The following KALRN variants were observed in gnomAD, a reference collection of about 807,000 sequenced individuals.
KALRN encodes the protein kalirin.
KALRN carries 70 observed loss-of-function variants against 353.7 expected under a neutral mutation model. The ratio of observed to expected loss-of-function variants is 0.20; its 90% CI spans 0.16 to 0.24. The LOEUF (loss-of-function observed/expected upper bound fraction) is 0.24, where lower values mean the gene tolerates loss of function less well. Among genes scored for constraint, KALRN ranks in the 10% least tolerant of loss-of-function variants. The pLI is 1.00. For missense variants in KALRN, 2,791 were observed against 3,756.7 expected (o/e 0.74, Z 6.72); for synonymous variants, 1,391 against 1,434.8 (o/e 0.97, Z 0.69).
Position 124,717,344 on chromosome 3 carries a change from C to A in KALRN, c.8374C>A (p.Gln2792Lys), listed in dbSNP as rs943310108. ...FYIRDIMEAL[Q>K]YLHNCRVAHL... is the part of the protein sequence containing the mutation. ...TATCCGAGACATCATGGAGGCTCTGCAGTACCTTCACAACTGCAGGGTTGC... is the reference window on the plus strand; with the variant it reads ...TATCCGAGACATCATGGAGGCTCTGAAGTACCTTCACAACTGCAGGGTTGC... The change falls in exon 59 of 60, where the codon CAG becomes AAG. Residue 2792 changes from glutamine to lysine, a missense_variant. By Grantham distance (53) the Gln-to-Lys change is moderately conservative (BLOSUM62 1). Coordinates refer to ENST00000682506, the MANE Select transcript of KALRN (RefSeq NM_001388419.1). 7 of 1,611,838 alleles carry A rather than the reference C, an allele frequency of 4.3e-6. No individual in the cohort carries two copies. The highest frequency in any genetic ancestry group is 5.9e-6 in the Non-Finnish European group (7 of 1,178,864).
chr3:124,324,435 A>C (rs929407132), intron 6 of KALRN, among the ~76,000 whole-genome samples: 1 of 152,196 alleles, frequency 6.6e-6, no homozygotes, highest in African/African-American at 2.4e-5. Context: ...TTTAATTTTC[A>C]GTAGAATTTG....
chr3:124,313,265 A>G (rs1421404447), intron 6 of KALRN, among the ~76,000 whole-genome samples: 1 of 152,152 alleles, frequency 6.6e-6, no homozygotes, highest in Non-Finnish European at 1.5e-5. Flanking sequence ...CAAAGCCACT[A>G]AAAAGCAAAC....
chr3:124,084,992 G>A (rs770970907), intron 1 of KALRN, among the ~76,000 whole-genome samples: 2 of 152,146 alleles, frequency 1.3e-5, no homozygotes, highest in Non-Finnish European at 2.9e-5. Flanking sequence ...TCTGATAGAC[G>A]TACCATGTAA....
chr3:124,606,346 C>T (rs1386365025), intron 34 of KALRN, among the ~76,000 whole-genome samples: 1 of 152,142 alleles, frequency 6.6e-6, no homozygotes. Context: ...GGAAACTGCC[C>T]AAGAGCTAGA....
intron 1 of KALRN, among the ~76,000 whole-genome samples, chr3:124,092,450 A>G (rs898897363): frequency 6.6e-5 from 10 of 152,256 alleles, no homozygotes; most frequent in East Asian, 1.9e-4. Context: ...CTCTGCAGTT[A>G]TAAGTCAGGG....
At chr3:124,592,301 C>G (rs1380394247) in intron 34 of KALRN, among the ~76,000 whole-genome samples, 1 of 74,852 alleles carries the variant, frequency 1.3e-5, no homozygotes, top group Non-Finnish European at 2.5e-5. Context: ...GACTCCGTCT[C>G]AAAGAAACAA....
At chr3:124,340,385 T>C (rs550402029) in intron 9 of KALRN, among the ~76,000 whole-genome samples, 1 of 151,910 alleles carries the variant, frequency 6.6e-6, no homozygotes, top group Non-Finnish European at 1.5e-5. Flanking sequence ...TAGCTGGGTA[T>C]TGTGGTGTGT....
In KALRN at chr3:124,296,887, C is replaced by T. The variant is rs576055552; in HGVS notation, c.970-1904C>T. The stretch of plus-strand genomic sequence containing the variant: ...GGTGTCACCTCCTCTGAGAAGCCTT[C>T]TCTGCTCTTCCCCATCTCACTCCTC... On this transcript the variant is annotated intron_variant, in intron 5 of 59. Transcript: ENST00000682506. Among the ~76,000 whole-genome samples the T allele has an allele frequency of 2.0e-5, 3 of 152,348 alleles. No individual in the cohort carries two copies. In the East Asian group the frequency reaches 5.8e-4, roughly 29 times the overall value.
At chr3:124,426,892 C>T (rs1249255215) in intron 15 of KALRN, among the ~76,000 whole-genome samples, 1 of 152,164 alleles carries the variant, frequency 6.6e-6, no homozygotes, top group Non-Finnish European at 1.5e-5. Flanking sequence ...CATATGTATT[C>T]CTGCAAAGCA....
intron 7 of KALRN, 71 bp from the exon 8 acceptor site, chr3:124,329,790 C>G: frequency 3.3e-6 from 5 of 1,538,256 alleles, no homozygotes; most frequent in Non-Finnish European, 4.4e-6. Flanking sequence ...GTATCTGACC[C>G]TCTCTCCATA....
chr3:124,325,857 CTG>C, intron 6 of KALRN, 121 bp from the exon 7 acceptor site: 1 of 721,526 alleles, frequency 1.4e-6, no homozygotes, highest in Admixed American at 2.4e-5. Flanking sequence ...CTAGTATGGA[CTG>C]TACCAGCGTC....
chr3:124,580,354 G>A (rs71323871), intron 34 of KALRN, among the ~76,000 whole-genome samples: 1 of 150,994 alleles, frequency 6.6e-6, no homozygotes, highest in Non-Finnish European at 1.5e-5. Context: ...CTAAATCTCA[G>A]GGTGTGTGTG....
At chr3:124,493,343 C>T (rs775812926) in intron 32 of KALRN, among the ~76,000 whole-genome samples, 239 of 152,230 alleles carry the variant, frequency 1.6e-3, no homozygotes, top group Admixed American at 3.3e-3. Context: ...CATTGCAGGT[C>T]TTACTGCAAC....
intron 1 of KALRN, among the ~76,000 whole-genome samples, chr3:124,123,983 C>T (rs192700827): frequency 1.3e-5 from 2 of 152,316 alleles, no homozygotes; most frequent in Non-Finnish European, 2.9e-5. Context: ...TGCTTTCATG[C>T]CTGCTAACAC....
intron 13 of KALRN, among the ~76,000 whole-genome samples, chr3:124,409,995 G>C (rs1248573056): frequency 6.6e-6 from 1 of 152,084 alleles, no homozygotes; most frequent in Non-Finnish European, 1.5e-5. Flanking sequence ...CATTCTCCAG[G>C]CTTCATAACA....
At position 124,664,366 on chromosome 3, in the gene KALRN, T is replaced by TGCGC. The variant is rs1454191492; in HGVS notation, c.6346-2082_6346-2081insCGCG. ...GTGTGTGTGTGTGTGTGTGTGTGTGTGTGTGCGCGCGCGCGCATATAAGGG... is the reference window on the plus strand; with the variant it reads ...GTGTGTGTGTGTGTGTGTGTGTGTGTGCGCGTGTGCGCGCGCGCGCATATAAGGG... On this transcript the variant is annotated intron_variant, in intron 45 of 59. Transcript: ENST00000682506. Among the ~76,000 whole-genome samples the TGCGC allele has an allele frequency of 2.1e-3, 272 of 126,922 alleles. 1 individual carries two copies. Among genetic ancestry groups the TGCGC allele is most frequent in the East Asian group, 6.2e-3 (24 of 3,882 alleles). 83.3% of individuals were successfully genotyped at this position (126,922 alleles called of 152,430 possible).
intron 1 of KALRN, among the ~76,000 whole-genome samples, chr3:124,041,045 G>A (rs1238946763): frequency 2.0e-5 from 3 of 152,122 alleles, no homozygotes; most frequent in Non-Finnish European, 4.4e-5. Context: ...CTATAGTCAT[G>A]TACCACGCAT....
At chr3:124,296,473 G>A (rs913140502) in intron 5 of KALRN, among the ~76,000 whole-genome samples, 6 of 152,066 alleles carry the variant, frequency 3.9e-5, no homozygotes, top group Non-Finnish European at 5.9e-5. Flanking sequence ...TGCCACTCCC[G>A]TAATCCAGGA....
intron 1 of KALRN, among the ~76,000 whole-genome samples, chr3:124,219,345 G>A (rs901066722): frequency 3.9e-5 from 6 of 152,198 alleles, no homozygotes; most frequent in Non-Finnish European, 7.3e-5. Flanking sequence ...AGTTAGGGCA[G>A]GCACCCTAAG....
Sources: gnomAD v4.1 joint callset for allele counts (sites outside exome capture counted in the v4.1 genomes callset) on GRCh38, gnomAD v4.1.1 for gene constraint, MANE v1.5 for transcripts, NCBI Gene and HGNC (gene_info 2026-07-23, HGNC 2026-07-21) for gene names.